CHST15: variants seen among roughly 807,000 people sequenced by gnomAD.
CHST15 encodes the protein B cell RAG associated protein (GALNAC4S-6ST).
CHST15 carries 30 observed loss-of-function variants against 53.6 expected under a neutral mutation model. That is an observed-to-expected ratio of 0.56 (90% CI 0.42 to 0.76). The LOEUF (loss-of-function observed/expected upper bound fraction) is 0.76. Among genes scored for constraint, CHST15 ranks in the 30% least tolerant of loss-of-function variants. The probability of loss-of-function intolerance (pLI) is 0.00; values close to 1 mark genes in which losing one functional copy is unlikely to be tolerated. For missense variants in CHST15, 627 were observed against 740.5 expected (o/e 0.85, Z 1.78); for synonymous variants, 296 against 289.8 (o/e 1.02, Z -0.22).
At chr10:124,045,611 A>C (rs1297008243) in intron 2 of CHST15, 56 bp downstream of exon 2, 3 of 1,471,116 alleles carry the variant, frequency 2.0e-6, no homozygotes, top group Non-Finnish European at 2.7e-6. Flanking sequence ...ATAGAAAGAA[A>C]AGCACTCATT....
chr10:124,043,491 T>G (rs950950414), intron 3 of CHST15, among the ~76,000 whole-genome samples: 1 of 152,228 alleles, frequency 6.6e-6, no homozygotes, highest in African/African-American at 2.4e-5. Context: ...AGGGAAAACT[T>G]TGAAGATTCC....
chr10:124,011,855 C>G (rs2133817735), intron 7 of CHST15: 1 of 985,408 alleles, frequency 1.0e-6, no homozygotes, highest in East Asian at 1.1e-4. Context: ...TGTCTGTTCC[C>G]TCCTCTAAGC....
chr10:124,076,994 C>A (rs1006422733), intron 1 of CHST15, among the ~76,000 whole-genome samples: 2 of 152,254 alleles, frequency 1.3e-5, no homozygotes, highest in East Asian at 1.9e-4. Context: ...CAGGCGTGAG[C>A]CACCGCGCCC....
At chr10:124,017,909 C>T (rs988725969) in intron 6 of CHST15, among the ~76,000 whole-genome samples, 2 of 152,244 alleles carry the variant, frequency 1.3e-5, no homozygotes, top group African/African-American at 4.8e-5. Flanking sequence ...TCGGCAGGCT[C>T]CACCTGGTGG....
At position 124,074,313 on chromosome 10, in the gene CHST15, A is replaced by G. The variant is rs1949010927; in HGVS notation, c.-513+19156T>C. 6.6e-6 allele frequency among the ~76,000 whole-genome samples: 1 copy of G among 152,122 alleles called. No homozygotes were observed. Among genetic ancestry groups the G allele is most frequent in the African/African-American group, 2.4e-5 (1 of 41,426 alleles). On this transcript the variant is annotated intron_variant, in intron 1 of 7. Coordinates refer to ENST00000435907, the MANE Select transcript of CHST15 (RefSeq NM_001270764.2). This position sits in a 1 kb window ranked among gnomAD's most constrained non-coding sequence, Gnocchi z 4.4. ...GAATTTCTCAAATCTCTCAGTAGAG[A>G]CAGAAAATCAGCAAGTCCCTGGAAC...
intron 1 of CHST15, among the ~76,000 whole-genome samples, chr10:124,081,760 G>A (rs1949249207): frequency 6.6e-6 from 1 of 152,150 alleles, no homozygotes; most frequent in African/African-American, 2.4e-5. Context: ...CACACCCCCA[G>A]GCCATGCAAG....
Position 124,023,104 on chromosome 10 carries a change from C to T in CHST15, c.1191-1692G>A, listed in dbSNP as rs77479567. 5.7e-3 allele frequency among the ~76,000 whole-genome samples: 864 copies of T among 152,070 alleles called. 11 individuals are homozygous for T. The highest frequency in any genetic ancestry group is 0.017 in the African/African-American group (712 of 41,478). ...AATCCCTACTTTTCCTAGTTGTATT[C>T]GGAGTCTCTCTCCTCTACTGAAAAA... On this transcript the variant is annotated intron_variant, in intron 5 of 7. Coordinates refer to ENST00000435907, the MANE Select transcript of CHST15 (RefSeq NM_001270764.2).
rs959173572 is a variant in CHST15 at position 124,010,284 on chromosome 10, T to A, written c.1551A>T (p.Ala517=). ...CCAGGTTCCGGTCCTCGGGACGCCG[T>A]GCATTGGATGCGGGGCTCTTGGTCA... ...ALMTKSPASN[A]RRPEDRNLGP... The change falls in exon 8 of 8, where the codon GCA becomes GCT. Residue 517 remains alanine, a synonymous_variant. Transcript: ENST00000435907. The A allele has an allele frequency of 1.2e-6, 2 of 1,613,338 alleles. No individual in the cohort carries two copies. The highest frequency in any genetic ancestry group is 2.7e-5 in the African/African-American group (2 of 75,052).
chr10:124,009,996 A>T lies in CHST15; in HGVS notation c.*153T>A. 3 of 1,485,232 alleles carry T rather than the reference A, an allele frequency of 2.0e-6. No homozygotes were observed. In the South Asian group the frequency reaches 4.1e-5, roughly 20 times the overall value. The allele number at this position is 1,485,232 out of a possible 1,614,324, so 92.0% of individuals were successfully genotyped here. A position where few individuals can be genotyped will look rare whatever the true frequency, so the allele number is the denominator to read the frequency against. Reference sequence around the variant, plus strand: ...CTGAGCTCTCGAACATCACGAAGGAAATTCCAAAATGGTTATAATTCATGT... The same window carrying T: ...CTGAGCTCTCGAACATCACGAAGGATATTCCAAAATGGTTATAATTCATGT... On this transcript the variant is annotated 3_prime_UTR_variant, in exon 8 of 8. Transcript: ENST00000435907.
Position 124,010,226 on chromosome 10 carries a change from G to C in CHST15, c.1609C>G (p.Arg537Gly), listed in dbSNP as rs774519865. ...GCGTTGAAGGGCCTGTAGAAATCCC[G>C]CAGAATCTTCTGTGTGATGGGCCAC... ...PMWPITQKIL[R>G]DFYRPFNARL... Residue 537 changes from arginine to glycine, a missense_variant, in exon 8 of 8, where the codon CGG (arginine) becomes GGG (glycine). Coordinates refer to ENST00000435907, the MANE Select transcript of CHST15 (RefSeq NM_001270764.2). 6.2e-7 allele frequency: 1 copy of C among 1,614,132 alleles called. No individual in the cohort carries two copies. Among genetic ancestry groups the C allele is most frequent in the Non-Finnish European group, 8.5e-7 (1 of 1,180,040 alleles).
chr10:124,084,271 C>G (rs923912994), intron 1 of CHST15, among the ~76,000 whole-genome samples: 17 of 152,170 alleles, frequency 1.1e-4, no homozygotes, highest in African/African-American at 4.1e-4. Context: ...CCAGGACCCT[C>G]CTGGCTGTCT....
chr10:124,057,791 A>C (rs1235957084), intron 1 of CHST15, among the ~76,000 whole-genome samples: 2 of 152,092 alleles, frequency 1.3e-5, no homozygotes, highest in African/African-American at 4.8e-5. Context: ...TCTTTTTCCT[A>C]TTCTGTGATA....
At chr10:124,067,077 C>T (rs1202909719) in intron 1 of CHST15, among the ~76,000 whole-genome samples, 1 of 152,238 alleles carries the variant, frequency 6.6e-6, no homozygotes, top group African/African-American at 2.4e-5. Context: ...ACAAGACAGT[C>T]GCACCCCAGA....
At chr10:124,033,079 A>C (rs1033454372) in intron 5 of CHST15, among the ~76,000 whole-genome samples, 1 of 152,178 alleles carries the variant, frequency 6.6e-6, no homozygotes, top group Non-Finnish European at 1.5e-5. Flanking sequence ...GAACAGGGCT[A>C]ATGGCCCAGG....
intron 1 of CHST15, among the ~76,000 whole-genome samples, chr10:124,065,790 GT>G (rs1279836355): frequency 6.6e-6 from 1 of 152,050 alleles, no homozygotes; most frequent in Non-Finnish European, 1.5e-5. Context: ...TGTTTTTTCC[GT>G]TTTGTTTTGT....
In CHST15 at chr10:124,045,125, A is replaced by AAAAC. The variant is rs1564882071; in HGVS notation, c.547-207_547-206insGTTT. Among the ~76,000 whole-genome samples, 157 of 103,502 alleles carry AAAAC rather than the reference A, an allele frequency of 1.5e-3. 1 individual carries two copies. The highest frequency in any genetic ancestry group is 2.4e-3 in the Non-Finnish European group (122 of 51,678). 67.9% of individuals were successfully genotyped at this position (103,502 alleles called of 152,430 possible). ...CCCGCCGCCCCACAAAAAAAAAAAA[A>AAAAC]AAAAAAAAAAAAAAAAAAACTTGGA... On this transcript the variant is annotated intron_variant, in intron 2 of 7. Transcript: ENST00000435907.
chr10:124,049,255 A>G (rs909308918), intron 1 of CHST15, among the ~76,000 whole-genome samples: 12 of 152,234 alleles, frequency 7.9e-5, no homozygotes, highest in African/African-American at 2.7e-4. Context: ...TTTGGTCTCT[A>G]TCCTCGGGTA....
chr10:124,010,791 A>ATGG, intron 7 of CHST15: 1 of 985,428 alleles, frequency 1.0e-6, no homozygotes, highest in Non-Finnish European at 1.2e-6. Context: ...GCTCATGCCA[A>ATGG]GGTCCCTGGG....
In CHST15 at chr10:124,010,174, T is replaced by A. The variant is rs764261201; in HGVS notation, c.1661A>T (p.Glu554Val). The A allele has an allele frequency of 4.3e-6, 7 of 1,613,248 alleles. No homozygotes were observed. The highest frequency in any genetic ancestry group is 5.1e-6 in the Non-Finnish European group (6 of 1,180,018). The stretch of plus-strand genomic sequence containing the variant: ...TCACGTCGTCTTCCACGCAAACGCC[T>A]CATCCGCGAGGACCTGCGCCAGCCT... Reference protein sequence around the residue: ...NARLAQVLADEAFAWKTT With the variant: ...NARLAQVLADVAFAWKTT The change falls in exon 8 of 8, where the codon GAG (glutamate) becomes GTG (valine). Residue 554 changes from glutamate (E) to valine (V), a missense_variant. Physicochemically the swap from Glu to Val is moderately radical, Grantham distance 121 (BLOSUM62 -2). Around this residue, in one of 3 missense-constraint regions of CHST15, gnomAD observed 279 missense variants for 371.6 expected, o/e 0.75. Transcript: ENST00000435907.
Sources: gnomAD v4.1 joint callset for allele counts (sites outside exome capture counted in the v4.1 genomes callset) on GRCh38, gnomAD v4.1.1 for gene constraint, gnomAD v4.1.1 regional missense constraint, Gnocchi (gnomAD v3.1) non-coding constraint, MANE v1.5 for transcripts, NCBI Gene and HGNC (gene_info 2026-07-23, HGNC 2026-07-21) for gene names.